Variants in CDK7 observed in about 807,000 individuals in gnomAD.
CDK7 encodes cyclin dependent kinase 7, also known as cyclin-dependent kinase 7.
In CDK7, 25 loss-of-function variants were observed where a neutral mutation model predicts 49.1. The observed-to-expected ratio is 0.51, with a 90% confidence interval of 0.37 to 0.71. The LOEUF (loss-of-function observed/expected upper bound fraction) is 0.71, where lower values mean the gene tolerates loss of function less well. CDK7 is among the 30% of genes least tolerant of loss of function. The probability of loss-of-function intolerance (pLI) is 0.00; values close to 1 mark genes in which losing one functional copy is unlikely to be tolerated. For missense variants in CDK7, 316 were observed against 411.7 expected (o/e 0.77, Z 2.01); for synonymous variants, 107 against 140.0 (o/e 0.76, Z 1.67).
intron 7 of CDK7, among the ~76,000 whole-genome samples, chr5:69,260,925 G>A (rs961282423): frequency 2.0e-5 from 3 of 151,994 alleles, no homozygotes; most frequent in Non-Finnish European, 2.9e-5. Flanking sequence ...TCAAGCAATC[G>A]TGCTACCTCA....
intron 2 of CDK7, among the ~76,000 whole-genome samples, chr5:69,244,696 T>C (rs574152105): frequency 2.1e-3 from 318 of 151,942 alleles, no homozygotes; most frequent in Non-Finnish European, 3.9e-3. Flanking sequence ...TTCACTTCTT[T>C]GCTTGCTCTT....
At chr5:69,245,788 G>T (rs1294343194) in intron 2 of CDK7, among the ~76,000 whole-genome samples, 1 of 152,154 alleles carries the variant, frequency 6.6e-6, no homozygotes, top group South Asian at 2.1e-4. Context: ...TAGGTTGTTT[G>T]TGTCTAGGAA....
intron 9 of CDK7, among the ~76,000 whole-genome samples, chr5:69,270,956 A>G (rs1751484684): frequency 6.6e-6 from 1 of 152,206 alleles, no homozygotes; most frequent in Non-Finnish European, 1.5e-5. Flanking sequence ...TTTTTTATAT[A>G]AGAATATATT....
At position 69,254,653 on chromosome 5, in the gene CDK7, A is replaced by G; in HGVS notation, c.212A>G (p.His71Arg). Residue 71 changes from histidine (H) to arginine (R), a missense_variant, in exon 4 of 12, where the codon CAT (histidine) becomes CGT (arginine). Coordinates refer to ENST00000256443, the MANE Select transcript of CDK7 (RefSeq NM_001799.4). ...ATAAAATTATTACAGGAGCTAAGTCATCCAAATATAATTGGTGTGAGTATG... is the reference window on the plus strand; with the variant it reads ...ATAAAATTATTACAGGAGCTAAGTCGTCCAAATATAATTGGTGTGAGTATG... Reference protein sequence around the residue: ...REIKLLQELSHPNIIGLLDAF... With the variant: ...REIKLLQELSRPNIIGLLDAF... 1.3e-6 allele frequency: 2 copies of G among 1,532,376 alleles called. No individual in the cohort carries two copies. The highest frequency in any genetic ancestry group is 1.1e-5 in the South Asian group (1 of 89,298). The allele number at this position is 1,532,376 out of a possible 1,614,324, so 94.9% of individuals were successfully genotyped here. A position where few individuals can be genotyped will look rare whatever the true frequency, so the allele number is the denominator to read the frequency against.
chr5:69,273,530 C>CA (rs1751781957), intron 10 of CDK7, among the ~76,000 whole-genome samples: 1 of 152,118 alleles, frequency 6.6e-6, no homozygotes, highest in Admixed American at 6.6e-5. Flanking sequence ...ATGGTATAGT[C>CA]AGATATAATT....
chr5:69,271,442 T>C (rs1269819651), intron 9 of CDK7, among the ~76,000 whole-genome samples: 1 of 152,148 alleles, frequency 6.6e-6, no homozygotes, highest in African/African-American at 2.4e-5. Flanking sequence ...TTTCTTTAAT[T>C]GATCATCCTT....
chr5:69,272,796 CTA>C (rs1751701742), intron 9 of CDK7, 94 bp from the exon 10 acceptor site: 5 of 675,138 alleles, frequency 7.4e-6, no homozygotes. Flanking sequence ...TTGGAATTTT[CTA>C]TATAAACCAT....
intron 3 of CDK7, 62 bp from the exon 4 acceptor site, chr5:69,254,537 AAAG>A: frequency 6.2e-6 from 5 of 810,774 alleles, no homozygotes; most frequent in Non-Finnish European, 8.3e-6. Flanking sequence ...AAAAAAAAAA[AAAG>A]AAGTGTTTGT....
chr5:69,249,984 T>C (rs933540779), intron 2 of CDK7, among the ~76,000 whole-genome samples: 2 of 152,256 alleles, frequency 1.3e-5, no homozygotes, highest in African/African-American at 2.4e-5. Context: ...CTCTGTGTTA[T>C]CTTGAATTTC....
At chr5:69,273,804 G>T (rs1452678686) in intron 10 of CDK7, among the ~76,000 whole-genome samples, 2 of 152,034 alleles carry the variant, frequency 1.3e-5, no homozygotes, top group Non-Finnish European at 2.9e-5. Context: ...TTTGTTCCAG[G>T]CTACAAAATC....
chr5:69,270,094 T>A, intron 9 of CDK7, among the ~76,000 whole-genome samples: 1 of 148,484 alleles, frequency 6.7e-6, no homozygotes, highest in African/African-American at 2.5e-5. Flanking sequence ...ATTAAACTTC[T>A]TATTTTGAGA....
chr5:69,239,510 A>G (rs901958770), intron 2 of CDK7, among the ~76,000 whole-genome samples: 5 of 152,072 alleles, frequency 3.3e-5, no homozygotes, highest in African/African-American at 7.2e-5. Context: ...GCCTTAAGCA[A>G]TCCTCCAGCA....
intron 8 of CDK7, among the ~76,000 whole-genome samples, chr5:69,262,668 C>CAAA (rs35645434): frequency 2.6e-5 from 3 of 113,584 alleles, no homozygotes; most frequent in African/African-American, 7.0e-5. Flanking sequence ...GGCTCCATCT[C>CAAA]AAAAAAAAAA....
chr5:69,266,250 C>A (rs948445774), intron 8 of CDK7, among the ~76,000 whole-genome samples: 1 of 152,040 alleles, frequency 6.6e-6, no homozygotes, highest in East Asian at 1.9e-4. Flanking sequence ...AAAAACAGAA[C>A]CGAAAAATTC....
chr5:69,262,705 T>C (rs1052393446), intron 8 of CDK7, among the ~76,000 whole-genome samples: 11 of 151,754 alleles, frequency 7.2e-5, no homozygotes, highest in African/African-American at 2.7e-4. Flanking sequence ...AGAAAAGAAT[T>C]CTTGTCCTGC....
chr5:69,244,023 G>A (rs544252397), intron 2 of CDK7, among the ~76,000 whole-genome samples: 8 of 148,712 alleles, frequency 5.4e-5, no homozygotes, highest in Middle Eastern at 3.4e-3. Flanking sequence ...TAGTAGAGAC[G>A]GGGTTTCACT....
At chr5:69,274,156 A>G (rs550772371) in intron 10 of CDK7, among the ~76,000 whole-genome samples, 4 of 152,338 alleles carry the variant, frequency 2.6e-5, no homozygotes, top group African/African-American at 9.6e-5. Context: ...GTATAGTTTG[A>G]AACTTAACAG....
At chr5:69,261,297 G>T (rs979238704) in intron 7 of CDK7, among the ~76,000 whole-genome samples, 4 of 152,274 alleles carry the variant, frequency 2.6e-5, no homozygotes, top group African/African-American at 9.6e-5. Context: ...CAAGAGCATT[G>T]TTAACAGAGC....
At chr5:69,250,687 G>T in intron 2 of CDK7, 1 of 456,412 alleles carries the variant, frequency 2.2e-6, no homozygotes, top group Non-Finnish European at 4.4e-6. Flanking sequence ...CAACCAAGCT[G>T]GTCCCTAAGC....
Sources: allele counts gnomAD v4.1 joint callset (sites outside exome capture counted in the v4.1 genomes callset), GRCh38; gene constraint gnomAD v4.1.1; transcripts MANE v1.5; gene names NCBI Gene and HGNC (gene_info 2026-07-23, HGNC 2026-07-21).